Variants in RRAS2 observed in about 807,000 individuals in gnomAD.
The protein encoded by RRAS2 is ras-related protein R-Ras2.
A neutral mutation model predicts 27.6 loss-of-function variants in RRAS2; 7 were observed. The ratio of observed to expected loss-of-function variants is 0.25; its 90% CI spans 0.14 to 0.48. The LOEUF (loss-of-function observed/expected upper bound fraction) is 0.48. Among genes scored for constraint, RRAS2 ranks in the 20% least tolerant of loss-of-function variants. The pLI, the probability that RRAS2 is intolerant of heterozygous loss-of-function variation, is 0.99. For missense variants in RRAS2, 178 were observed against 256.2 expected, an observed-to-expected ratio of 0.69 and a Z score of 2.08; for synonymous variants, 86 against 90.9, an observed-to-expected ratio of 0.95 and a Z score of 0.31.
chr11:14,343,540 T>C (rs1357803984), intron 1 of RRAS2, among the ~76,000 whole-genome samples: 1 of 152,160 alleles, frequency 6.6e-6, no homozygotes, highest in Non-Finnish European at 1.5e-5. Context: ...TAGTTCCCTG[T>C]AGGCCAGGCG....
At chr11:14,332,192 T>C (rs1434324271) in intron 1 of RRAS2, among the ~76,000 whole-genome samples, 5 of 152,130 alleles carry the variant, frequency 3.3e-5, no homozygotes, top group Non-Finnish European at 7.4e-5. Context: ...AATATGAAAA[T>C]GTAAGTCCAA....
chr11:14,349,833 T>C (rs149483232), intron 1 of RRAS2, among the ~76,000 whole-genome samples: 1 of 152,250 alleles, frequency 6.6e-6, no homozygotes, highest in African/African-American at 2.4e-5. Flanking sequence ...AGTTACTCAT[T>C]TGAAATACGG....
chr11:14,335,596 T>C (rs1261899331), intron 1 of RRAS2, among the ~76,000 whole-genome samples: 3 of 152,184 alleles, frequency 2.0e-5, no homozygotes, highest in African/African-American at 7.2e-5. Context: ...CAAAAAGCCC[T>C]TAAAATAACT....
intron 1 of RRAS2, among the ~76,000 whole-genome samples, chr11:14,322,295 C>A (rs1564970830): frequency 6.6e-6 from 1 of 151,124 alleles, no homozygotes; most frequent in Non-Finnish European, 1.5e-5. Flanking sequence ...AAAAAATGAG[C>A]CCAGCATGGT....
At chr11:14,309,579 C>T (rs1006489170) in intron 1 of RRAS2, among the ~76,000 whole-genome samples, 1 of 152,210 alleles carries the variant, frequency 6.6e-6, no homozygotes, top group Admixed American at 6.5e-5. Flanking sequence ...CCAGAGAAGG[C>T]TCCACGCACA....
At chr11:14,354,728 G>C (rs573361585) in intron 1 of RRAS2, among the ~76,000 whole-genome samples, 1 of 140,974 alleles carries the variant, frequency 7.1e-6, no homozygotes, top group South Asian at 2.2e-4. Context: ...CCAGGCTGGA[G>C]TGCAGTGGCG....
chr11:14,326,186 G>A (rs566477700), intron 1 of RRAS2, among the ~76,000 whole-genome samples: 1 of 152,230 alleles, frequency 6.6e-6, no homozygotes, highest in Admixed American at 6.5e-5. Flanking sequence ...CAGAATATGT[G>A]CAAATCTGAA....
At chr11:14,357,968 C>A (rs1293790873) in intron 1 of RRAS2, among the ~76,000 whole-genome samples, 1 of 152,150 alleles carries the variant, frequency 6.6e-6, no homozygotes, top group East Asian at 1.9e-4. Flanking sequence ...GACTTACCGT[C>A]TCTAGCAACC....
At chr11:14,320,171 G>A (rs1848194721) in intron 1 of RRAS2, among the ~76,000 whole-genome samples, 1 of 146,564 alleles carries the variant, frequency 6.8e-6, no homozygotes, top group South Asian at 2.3e-4. Flanking sequence ...TATTTCCTTT[G>A]CAGTGAGTCT....
At position 14,358,991 on chromosome 11, in the gene RRAS2, G is replaced by C; in HGVS notation, c.-121C>G. 1 of 1,144,300 alleles carries C rather than the reference G, an allele frequency of 8.7e-7. No individual in the cohort carries two copies. The highest frequency in any genetic ancestry group is 1.1e-6 in the Non-Finnish European group (1 of 932,672). 70.9% of individuals were successfully genotyped at this position (1,144,300 alleles called of 1,614,324 possible). On this transcript the variant is annotated 5_prime_UTR_variant, in exon 1 of 6. Transcript: ENST00000256196. The surrounding 1 kb of genome is among the most constrained non-coding windows in gnomAD (Gnocchi z 5.1). The stretch of plus-strand genomic sequence containing the variant: ...GCGAGCGGCCGGGCTGGGGTCCCGG[G>C]TACCGGGAGGCGTCTGGAGGGCCGG...
chr11:14,343,576 CACTTTG>C (rs1476923111), intron 1 of RRAS2, among the ~76,000 whole-genome samples: 3 of 152,142 alleles, frequency 2.0e-5, no homozygotes, highest in African/African-American at 7.2e-5. Flanking sequence ...GTAATCCCAT[CACTTTG>C]GGAGGCCAAG....
At chr11:14,340,400 C>A (rs576581921) in intron 1 of RRAS2, among the ~76,000 whole-genome samples, 20 of 151,170 alleles carry the variant, frequency 1.3e-4, no homozygotes, top group African/African-American at 4.8e-4. Flanking sequence ...CGCACTCAGC[C>A]AAAAAAAAGT....
chr11:14,360,501 A>G (rs558080271), upstream of RRAS2, among the ~76,000 whole-genome samples: 364 of 152,228 alleles, frequency 2.4e-3, no homozygotes, highest in African/African-American at 8.4e-3. Flanking sequence ...TCTGGACTCA[A>G]GTGATCCTTC....
chr11:14,329,173 C>G (rs1218926888), intron 1 of RRAS2, among the ~76,000 whole-genome samples: 6 of 151,700 alleles, frequency 4.0e-5, no homozygotes, highest in Non-Finnish European at 8.8e-5. Flanking sequence ...TCCAATGGCG[C>G]GATCTCAGCT....
chr11:14,296,714 G>A (rs1554946681), intron 1 of RRAS2, among the ~76,000 whole-genome samples: 1 of 152,000 alleles, frequency 6.6e-6, no homozygotes, highest in African/African-American at 2.4e-5. Context: ...TCATTAGTAG[G>A]AACCTCAAAC....
chr11:14,350,114 C>G (rs573207828), intron 1 of RRAS2, among the ~76,000 whole-genome samples: 7 of 152,130 alleles, frequency 4.6e-5, no homozygotes, highest in Admixed American at 1.3e-4. Flanking sequence ...CAAATACATA[C>G]GTATTTTCTT....
intron 5 of RRAS2, among the ~76,000 whole-genome samples, chr11:14,281,051 G>A (rs1849520712): frequency 6.6e-6 from 1 of 152,116 alleles, no homozygotes; most frequent in Non-Finnish European, 1.5e-5. Context: ...CACCTTACAG[G>A]ATTATTTAAT....
Position 14,358,225 on chromosome 11 carries a change from G to C in RRAS2, c.108+538C>G. ...ACCTAAGAGAGTACTTATAAAAAGA[G>C]CGTAACACACACACAAAGAAATACA... is the stretch of plus-strand genomic sequence containing the variant. On this transcript the variant is annotated intron_variant, in intron 1 of 5. Transcript: ENST00000256196. The surrounding 1 kb of genome is among the most constrained non-coding windows in gnomAD (Gnocchi z 5.1). 1.0e-6 allele frequency: 1 copy of C among 985,440 alleles called. No individual in the cohort carries two copies. The highest frequency in any genetic ancestry group is 1.2e-6 in the Non-Finnish European group (1 of 829,916). The allele number at this position is 985,440 out of a possible 1,614,324, so 61.0% of individuals were successfully genotyped here.
chr11:14,345,903 C>T (rs1848819291), intron 1 of RRAS2, among the ~76,000 whole-genome samples: 1 of 152,106 alleles, frequency 6.6e-6, no homozygotes, highest in South Asian at 2.1e-4. Flanking sequence ...CTCTTAACTT[C>T]CTAAACCAAA....
Sources: gnomAD v4.1 joint callset for allele counts (sites outside exome capture counted in the v4.1 genomes callset) on GRCh38, gnomAD v4.1.1 for gene constraint, Gnocchi (gnomAD v3.1) non-coding constraint, MANE v1.5 for transcripts, NCBI Gene and HGNC (gene_info 2026-07-23, HGNC 2026-07-21) for gene names.